NDUFB11: variants seen among roughly 807,000 people sequenced by gnomAD.
The protein encoded by NDUFB11 is NADH:ubiquinone oxidoreductase subunit B11.
For missense variants in NDUFB11, 108 were observed against 133.8 expected, an observed-to-expected ratio of 0.81 and a Z score of 0.95; for synonymous variants, 51 against 57.4, an observed-to-expected ratio of 0.89 and a Z score of 0.51.
chrX:47,145,443 G>C, upstream of NDUFB11: 1 of 1,154,734 alleles, frequency 8.7e-7, no homozygotes, highest in East Asian at 3.3e-5. Flanking sequence ...GGCGGGCAGA[G>C]GTGATGTCTG....
At chrX:47,144,403 T>A (rs1931905632) in intron 1 of NDUFB11, 70 bp downstream of exon 1, 1 of 776,111 alleles carries the variant, frequency 1.3e-6, no homozygotes, top group Non-Finnish European at 1.7e-6. Context: ...CAGCGCCCCA[T>A]CTGCCGATCC....
rs781908150 is a variant in NDUFB11, at chrX:47,142,444, G to C, written c.339-4C>G. 8.3e-7 allele frequency: 1 copy of C among 1,211,741 alleles called. No homozygotes were observed. Among genetic ancestry groups the C allele is most frequent in the Non-Finnish European group, 1.1e-6 (1 of 895,419 alleles). ...GCGGCGGGACCACTCTTTCATCCTG[G>C]TAGTGCAAATAGCAGGGGTAGACGT... On this transcript the variant is annotated splice_region_variant and splice_polypyrimidine_tract_variant and intron_variant, in intron 2 of 2. Transcript: ENST00000377811.
At chrX:47,143,102 G>A (rs1343164186) in intron 1 of NDUFB11, among the ~76,000 whole-genome samples, 2 of 111,981 alleles carry the variant, frequency 1.8e-5, no homozygotes, top group Non-Finnish European at 3.8e-5. Context: ...TATAGCTCAA[G>A]CTAATGAAAT....
Position 47,142,692 on chromosome X carries a change from A to G in NDUFB11, c.260T>C (p.Met87Thr), listed in dbSNP as rs1556760684. The change falls in exon 2 of 3, where the codon ATG becomes ACG. Residue 87 changes from methionine to threonine, a missense_variant. By Grantham distance (81) the Met-to-Thr change is moderately conservative. Coordinates refer to ENST00000377811, the MANE Select transcript of NDUFB11 (RefSeq NM_001135998.3). ...GACGCCAAAGAAGAAGACAAGTCGCATGTTCCAGACGTCCAAAACGGGGTC... is the reference window on the plus strand; with the variant it reads ...GACGCCAAAGAAGAAGACAAGTCGCGTGTTCCAGACGTCCAAAACGGGGTC... ...DKDPVLDVWN[M>T]RLVFFFGVSI... 1 of 1,211,937 alleles carries G rather than the reference A, an allele frequency of 8.3e-7. No individual in the cohort carries two copies. Among genetic ancestry groups the G allele is most frequent in the Non-Finnish European group, 1.1e-6 (1 of 895,521 alleles).
rs143960444 is a variant in NDUFB11, at chrX:47,142,350, G to T, written c.429C>A (p.Asp143Glu). Residue 143 changes from aspartate (D) to glutamate (E), a missense_variant, in exon 3 of 3, where the codon GAC (aspartate) becomes GAA (glutamate). Coordinates refer to ENST00000377811, the MANE Select transcript of NDUFB11 (RefSeq NM_001135998.3). Reference protein sequence around the residue: ...GLPIMESNCFDPSKIQLPEDE With the variant: ...GLPIMESNCFEPSKIQLPEDE ...CCTCTGGCAGCTGGATCTTGCTGGG[G>T]TCGAAGCAGTTGGATTCCATGATGG... The T allele has an allele frequency of 3.3e-6, 4 of 1,209,001 alleles. No individual in the cohort carries two copies. Among genetic ancestry groups the T allele is most frequent in the Non-Finnish European group, 4.5e-6 (4 of 894,953 alleles).
rs1931968613 is a variant in NDUFB11 at position 47,144,702 on chromosome X, C to T, written c.-23G>A. The T allele has an allele frequency of 8.9e-7, 1 of 1,120,424 alleles. No homozygotes were observed. Among genetic ancestry groups the T allele is most frequent in the South Asian group, 2.1e-5 (1 of 48,614 alleles). 92.3% of individuals were successfully genotyped at this position (1,120,424 alleles called of 1,213,427 possible). ...CATGACAGATGGTGCTGCAGGGTCT[C>T]AGGGGCGGGGAAAGAAATGCGACTG... On this transcript the variant is annotated 5_prime_UTR_variant, in exon 1 of 3. Coordinates refer to ENST00000377811, the MANE Select transcript of NDUFB11 (RefSeq NM_001135998.3).
At chrX:47,143,246 C>A (rs1159534593) in intron 1 of NDUFB11, among the ~76,000 whole-genome samples, 4 of 112,303 alleles carry the variant, frequency 3.6e-5, no homozygotes, top group African/African-American at 1.3e-4. Flanking sequence ...GTATATCATA[C>A]ATTCTCATGT....
At chrX:47,145,448 T>C, upstream of NDUFB11, 1 of 1,153,471 alleles carries the variant, frequency 8.7e-7, no homozygotes, top group Non-Finnish European at 1.1e-6. Context: ...GCAGAGGTGA[T>C]GTCTGGGAGC....
upstream of NDUFB11, chrX:47,145,256 CTCG>C: frequency 4.1e-6 from 2 of 491,269 alleles, no homozygotes; most frequent in Non-Finnish European, 7.1e-6. Flanking sequence ...CGACTCCCTT[CTCG>C]TCGTCGCCAT....
rs1226400383 is a variant in NDUFB11 at position 47,142,506 on chromosome X, C to T, written c.339-66G>A. 4.2e-6 allele frequency: 5 copies of T among 1,201,506 alleles called. No homozygotes were observed. In the African/African-American group the frequency reaches 8.8e-5, roughly 21 times the overall value. ...AACTGATACCAATCCCTCATCTCAG[C>T]TCCCCATTCCCAATGGTGCAGGAAC... On this transcript the variant is annotated intron_variant, in intron 2 of 2. Transcript: ENST00000377811.
At chrX:47,144,449 C>G in intron 1 of NDUFB11, 24 bp downstream of exon 1, 1 of 25,039 alleles carries the variant, frequency 4.0e-5, no homozygotes. Context: ...CCCCACTACC[C>G]CCCCCCCCCC....
chrX:47,144,445 T>TGGGCCCCCCCCCCCCCCC, intron 1 of NDUFB11, 28 bp downstream of exon 1: 2 of 61,005 alleles, frequency 3.3e-5, no homozygotes, highest in Non-Finnish European at 5.3e-5. Context: ...CCGTCCCCAC[T>TGGGCCCCCCCCCCCCCCC]ACCCCCCCCC....
At chrX:47,144,796 A>C, upstream of NDUFB11, 1 of 723,439 alleles carries the variant, frequency 1.4e-6, no homozygotes. Context: ...TAGGTCCCAG[A>C]TCTGATTTGG....
At chrX:47,144,174 C>T (rs1556760998) in intron 1 of NDUFB11, among the ~76,000 whole-genome samples, 3 of 108,977 alleles carry the variant, frequency 2.8e-5, no homozygotes, top group African/African-American at 1.0e-4. Context: ...AGTGCCATAT[C>T]GGTGTTTAGT....
intron 1 of NDUFB11, 109 bp downstream of exon 1, chrX:47,144,364 A>AGTCCTCTACTGCCTAAGAAC (rs1369478619): frequency 1.3e-5 from 7 of 551,212 alleles, no homozygotes; most frequent in Non-Finnish European, 1.5e-5. Context: ...CCGGCCGCGC[A>AGTCCTCTACTGCCTAAGAAC]GTCCTCTACT....
intron 2 of NDUFB11, 55 bp downstream of exon 2, chrX:47,142,559 C>A (rs1556760649): frequency 8.3e-7 from 1 of 1,207,854 alleles, no homozygotes; most frequent in African/African-American, 1.7e-5. Context: ...CCCCTTCAAC[C>A]TCCATCCCTG....
upstream of NDUFB11, chrX:47,145,251 C>A (rs1315166381): frequency 2.1e-6 from 1 of 484,440 alleles, no homozygotes; most frequent in African/African-American, 2.3e-5. Flanking sequence ...AGCGCCGACT[C>A]CCTTCTCGTC....
chrX:47,143,645 T>C (rs1343598294), intron 1 of NDUFB11, among the ~76,000 whole-genome samples: 2 of 112,248 alleles, frequency 1.8e-5, no homozygotes, highest in African/African-American at 6.5e-5. Context: ...TTTAATTACA[T>C]GAGGCAGGTG....
chrX:47,144,445 T>TGGCCGCCCCCCCCCCCCCCCC, intron 1 of NDUFB11, 28 bp downstream of exon 1: 1 of 61,005 alleles, frequency 1.6e-5, no homozygotes, highest in East Asian at 8.4e-4. Context: ...CCGTCCCCAC[T>TGGCCGCCCCCCCCCCCCCCCC]ACCCCCCCCC....
Sources: allele counts gnomAD v4.1 joint callset (sites outside exome capture counted in the v4.1 genomes callset), GRCh38; gene constraint gnomAD v4.1.1; transcripts MANE v1.5; gene names NCBI Gene and HGNC (gene_info 2026-07-23, HGNC 2026-07-21).